Variants in SCN11A observed in about 807,000 individuals in gnomAD.
The protein encoded by SCN11A is sodium channel protein type 11 subunit alpha.
A neutral mutation model predicts 162.2 loss-of-function variants in SCN11A; 122 were observed. The observed-to-expected ratio is 0.75, with a 90% CI of 0.65 to 0.87. The LOEUF (loss-of-function observed/expected upper bound fraction) is 0.87, where lower values mean the gene tolerates loss of function less well. Ranked by LOEUF, SCN11A falls within the 40% of genes least tolerant of loss-of-function variation. SCN11A has a pLI of 0.00. For missense variants in SCN11A, 2,015 were observed against 2,181.6 expected, an observed-to-expected ratio of 0.92 and a Z score of 1.52; for synonymous variants, 758 against 751.5, an observed-to-expected ratio of 1.01 and a Z score of -0.14.
intron 2 of SCN11A, among the ~76,000 whole-genome samples, chr3:39,007,583 A>G (rs553030560): frequency 5.3e-5 from 8 of 152,260 alleles, no homozygotes; most frequent in Admixed American, 2.0e-4. Flanking sequence ...TGCCTACATA[A>G]AGGAAACTCC....
chr3:38,910,972 T>C (rs1445353822), intron 11 of SCN11A, among the ~76,000 whole-genome samples: 1 of 152,204 alleles, frequency 6.6e-6, no homozygotes, highest in Non-Finnish European at 1.5e-5. Context: ...AAAAATTACA[T>C]GCACCAAAAA....
chr3:38,854,089 T>G (rs1304552625), intron 28 of SCN11A, among the ~76,000 whole-genome samples: 2 of 152,040 alleles, frequency 1.3e-5, no homozygotes, highest in Non-Finnish European at 2.9e-5. Flanking sequence ...TTTAAATGTT[T>G]GGTGAAAAAA....
intron 11 of SCN11A, 53 bp from the exon 12 acceptor site, chr3:38,910,260 CT>C: frequency 6.4e-7 from 1 of 1,562,128 alleles, no homozygotes; most frequent in Non-Finnish European, 8.7e-7. Flanking sequence ...AGCCAAGCTT[CT>C]TTTTCCTTCC....
chr3:38,853,349 A>C (rs2064814407), intron 28 of SCN11A, among the ~76,000 whole-genome samples: 1 of 152,210 alleles, frequency 6.6e-6, no homozygotes, highest in Non-Finnish European at 1.5e-5. Flanking sequence ...TTTTAAAGTG[A>C]AATTAGTACT....
At chr3:38,908,921 G>T in intron 13 of SCN11A, 76 bp downstream of exon 13, 1 of 1,307,620 alleles carries the variant, frequency 7.6e-7, no homozygotes, top group Non-Finnish European at 1.1e-6. Flanking sequence ...GCAGCCTTGA[G>T]TCTCAGGTCA....
At chr3:38,980,563 A>G (rs1002190718) in intron 2 of SCN11A, among the ~76,000 whole-genome samples, 5 of 152,230 alleles carry the variant, frequency 3.3e-5, no homozygotes, top group African/African-American at 4.8e-5. Flanking sequence ...ACTAAACATC[A>G]TCAGAAAAGT....
chr3:38,972,832 T>G (rs142700243), intron 2 of SCN11A, among the ~76,000 whole-genome samples: 1 of 151,996 alleles, frequency 6.6e-6, no homozygotes, highest in African/African-American at 2.4e-5. Context: ...ACAAAGAATC[T>G]GTTAGAGTTT....
At chr3:38,905,369 C>T (rs751811078) in intron 14 of SCN11A, 48 bp from the exon 15 acceptor site, 2 of 1,584,334 alleles carry the variant, frequency 1.3e-6, no homozygotes, top group East Asian at 2.3e-5. Flanking sequence ...GGCTGCCTCT[C>T]CTCAAAACTT....
chr3:38,879,294 TA>T (rs1387745288), intron 23 of SCN11A, among the ~76,000 whole-genome samples: 1 of 152,190 alleles, frequency 6.6e-6, no homozygotes. Context: ...GAGTACTTGA[TA>T]CAGAGAAAGC....
intron 11 of SCN11A, among the ~76,000 whole-genome samples, chr3:38,917,413 C>A (rs2065975910): frequency 6.6e-6 from 1 of 152,190 alleles, no homozygotes; most frequent in Admixed American, 6.5e-5. Context: ...TGGAGGCAAC[C>A]TGAATGCCCA....
At chr3:38,929,549 G>A (rs2066206460) in intron 7 of SCN11A, among the ~76,000 whole-genome samples, 1 of 152,190 alleles carries the variant, frequency 6.6e-6, no homozygotes, top group Non-Finnish European at 1.5e-5. Flanking sequence ...TATCTTTTAT[G>A]TTATGTGTAC....
chr3:38,884,871 A>G lies in SCN11A; in HGVS notation c.3064+417T>C, dbSNP rs142745368. Reference sequence around the variant, plus strand: ...AAATTGAACAAGTCACACAGCTCATAAGTGGCAAGGCCAGAATTTGAGCTC... The same window carrying G: ...AAATTGAACAAGTCACACAGCTCATGAGTGGCAAGGCCAGAATTTGAGCTC... On this transcript the variant is annotated intron_variant, in intron 21 of 29. Coordinates refer to ENST00000302328, the MANE Select transcript of SCN11A (RefSeq NM_001349253.2). Among the ~76,000 whole-genome samples, 437 of 152,348 alleles carry G rather than the reference A, an allele frequency of 2.9e-3. 2 individuals are homozygous for G. The highest frequency in any genetic ancestry group is 0.01 in the African/African-American group (428 of 41,590).
intron 28 of SCN11A, among the ~76,000 whole-genome samples, chr3:38,862,039 T>A (rs1401620814): frequency 6.6e-6 from 1 of 151,348 alleles, no homozygotes; most frequent in Admixed American, 6.6e-5. Context: ...AAACAAATCA[T>A]CAAGACAAAA....
intron 2 of SCN11A, among the ~76,000 whole-genome samples, chr3:38,972,520 G>T (rs1451142614): frequency 1.3e-5 from 2 of 152,094 alleles, no homozygotes; most frequent in Non-Finnish European, 2.9e-5. Flanking sequence ...TTCAACAGCA[G>T]ATTTCATCTC....
intron 7 of SCN11A, among the ~76,000 whole-genome samples, chr3:38,940,200 A>G (rs1353047562): frequency 6.6e-6 from 1 of 152,076 alleles, no homozygotes; most frequent in Non-Finnish European, 1.5e-5. Context: ...ATCTGTATGA[A>G]GAAAACTTTA....
At chr3:38,859,610 C>G (rs1476967126) in intron 28 of SCN11A, among the ~76,000 whole-genome samples, 2 of 152,084 alleles carry the variant, frequency 1.3e-5, no homozygotes, top group African/African-American at 4.8e-5. Flanking sequence ...TGGTACCAGT[C>G]CTACTTATGG....
intron 7 of SCN11A, among the ~76,000 whole-genome samples, chr3:38,936,287 G>A (rs1241236241): frequency 2.6e-5 from 4 of 151,754 alleles, no homozygotes; most frequent in African/African-American, 4.8e-5. Flanking sequence ...AAAACTGGAA[G>A]CATTCCCTTT....
At chr3:38,977,437 T>C (rs2066856113) in intron 2 of SCN11A, among the ~76,000 whole-genome samples, 1 of 152,236 alleles carries the variant, frequency 6.6e-6, no homozygotes, top group Non-Finnish European at 1.5e-5. Context: ...ATTTGTAAGT[T>C]GTAGATGGTA....
At chr3:39,040,390 A>G (rs976434075) in intron 1 of SCN11A, among the ~76,000 whole-genome samples, 8 of 152,240 alleles carry the variant, frequency 5.3e-5, no homozygotes, top group African/African-American at 1.7e-4. Flanking sequence ...GTCTTTCCCA[A>G]TGAAAGCTAC....
Sources: gnomAD v4.1 joint callset for allele counts (sites outside exome capture counted in the v4.1 genomes callset) on GRCh38, gnomAD v4.1.1 for gene constraint, MANE v1.5 for transcripts, NCBI Gene and HGNC (gene_info 2026-07-23, HGNC 2026-07-21) for gene names.